SMAD4: variants seen among roughly 807,000 people sequenced by gnomAD.
The protein encoded by SMAD4 is MAD homolog 4.
A neutral mutation model predicts 63.2 loss-of-function variants in SMAD4; 7 were observed. The ratio of observed to expected loss-of-function variants is 0.11; its 90% CI spans 0.06 to 0.21. The LOEUF (loss-of-function observed/expected upper bound fraction) is 0.21. Ranked by LOEUF, SMAD4 falls within the 10% of genes least tolerant of loss-of-function variation. The pLI, the probability that SMAD4 is intolerant of heterozygous loss-of-function variation, is 1.00. For synonymous variants in SMAD4, 215 were observed against 235.4 expected (o/e 0.91, Z 0.79); for missense variants, 312 against 693.8 (o/e 0.45, Z 6.18).
At chr18:51,061,314 CT>C (rs985942556) in intron 8 of SMAD4, among the ~76,000 whole-genome samples, 2 of 152,172 alleles carry the variant, frequency 1.3e-5, no homozygotes, top group African/African-American at 4.8e-5. Context: ...ATTCTAACTA[CT>C]TTTTGTACTA....
In SMAD4 at chr18:51,078,244, CT is replaced by C. The variant is rs2144477864; in HGVS notation, c.1448-8del. ...CCTGTCCCTCTGATGTCTTCCAAAT[CT>C]TTTCTGTTAGGTCTGTCAGCTGCTG... On this transcript the variant is annotated splice_polypyrimidine_tract_variant and intron_variant, in intron 11 of 11. Transcript: ENST00000342988. 1 of 1,612,344 alleles carries C rather than the reference CT, an allele frequency of 6.2e-7. No individual in the cohort carries two copies. Among genetic ancestry groups the C allele is most frequent in the South Asian group, 1.1e-5 (1 of 91,056 alleles).
chr18:51,075,616 T>TC (rs571335410), intron 10 of SMAD4, among the ~76,000 whole-genome samples: 3 of 152,104 alleles, frequency 2.0e-5, no homozygotes, highest in Non-Finnish European at 4.4e-5. Flanking sequence ...GATTTTTTTT[T>TC]CCCCAGAAAA....
rs1599189454 is a variant in SMAD4, at chr18:51,058,146, G to C, written c.689G>C (p.Gly230Ala). The part of the protein sequence containing the change: ...ASTSQPASIL[G>A]GSHSEGLLQI... ...CTAGGTCAGCCTGCCAGTATACTGG[G>C]GGGCAGCCATAGTGAAGGACTGTTG... Residue 230 changes from glycine to alanine, a missense_variant, in exon 6 of 12, where the codon GGG (glycine) becomes GCG (alanine). Gly to Ala is a moderately conservative substitution (Grantham distance 60). Around this residue, in one of 4 missense-constraint regions of SMAD4, gnomAD observed 169 missense variants for 211.0 expected, o/e 0.80. Transcript: ENST00000342988. 2 of 1,614,036 alleles carry C rather than the reference G, an allele frequency of 1.2e-6. No homozygotes were observed. Among genetic ancestry groups the C allele is most frequent in the Non-Finnish European group, 8.5e-7 (1 of 1,179,928 alleles).
chr18:51,075,170 A>G (rs1210578273), intron 10 of SMAD4, among the ~76,000 whole-genome samples: 3 of 152,234 alleles, frequency 2.0e-5, no homozygotes, highest in Non-Finnish European at 4.4e-5. Flanking sequence ...GACACTGAGT[A>G]GAGAAATAGG....
chr18:51,058,483 C>CTTT (rs763163102), intron 7 of SMAD4, 27 bp downstream of exon 7: 11 of 1,258,408 alleles, frequency 8.7e-6, no homozygotes, highest in East Asian at 5.2e-5. Context: ...GTTGTAAGGG[C>CTTT]TATTTTTTTT....
intron 6 of SMAD4, 29 bp downstream of exon 6, chr18:51,058,273 A>G (rs1400662387): frequency 1.2e-6 from 2 of 1,610,990 alleles, no homozygotes; most frequent in Non-Finnish European, 1.7e-6. Flanking sequence ...AAATCTTTTA[A>G]ATAGTTGAGA....
intron 1 of SMAD4, among the ~76,000 whole-genome samples, chr18:51,042,432 C>T (rs572337269): frequency 1.7e-4 from 26 of 151,764 alleles, no homozygotes; most frequent in Non-Finnish European, 3.1e-4. Flanking sequence ...AGTGCAGTGG[C>T]GTGATCTTGG....
rs766144339 is a variant in SMAD4 at position 51,049,336 on chromosome 18, G to C, written c.454+12G>C. 1 of 1,588,802 alleles carries C rather than the reference G, an allele frequency of 6.3e-7. No homozygotes were observed. Among genetic ancestry groups the C allele is most frequent in the Middle Eastern group, 1.7e-4 (1 of 5,928 alleles). ...ACTGCAGAGTAATGGTAGGTAATCT[G>C]TTTCTTACTACTTTCTCTTTGTTTT... On this transcript the variant is annotated intron_variant, in intron 4 of 11. Coordinates refer to ENST00000342988, the MANE Select transcript of SMAD4 (RefSeq NM_005359.6).
chr18:51,061,602 A>C (rs1910016740), intron 8 of SMAD4, among the ~76,000 whole-genome samples: 1 of 152,112 alleles, frequency 6.6e-6, no homozygotes, highest in South Asian at 2.1e-4. Flanking sequence ...AGCATACCGG[A>C]ATAATACAGG....
intron 1 of SMAD4, among the ~76,000 whole-genome samples, chr18:51,043,456 A>G (rs1228601188): frequency 2.0e-5 from 3 of 152,246 alleles, no homozygotes; most frequent in Non-Finnish European, 2.9e-5. Context: ...ATTAGAATAT[A>G]TAATTTTATT....
Position 51,083,683 on chromosome 18 carries a change from G to A in SMAD4, c.*5216G>A, listed in dbSNP as rs1910666602. ...CCACAAATTTGATGTGTGACCTTTG[G>A]GCAAGTCATTTATCTTCTCTGGGCC... On this transcript the variant is annotated 3_prime_UTR_variant, in exon 12 of 12. Coordinates refer to ENST00000342988, the MANE Select transcript of SMAD4 (RefSeq NM_005359.6). 4.4e-6 allele frequency: 1 copy of A among 227,856 alleles called. No homozygotes were observed. The highest frequency in any genetic ancestry group is 8.7e-6 in the Non-Finnish European group (1 of 114,826). The allele number at this position is 227,856 out of a possible 1,614,324, so 14.1% of individuals were successfully genotyped here.
chr18:51,040,668 A>G (rs1599176447), intron 1 of SMAD4, among the ~76,000 whole-genome samples: 1 of 152,330 alleles, frequency 6.6e-6, no homozygotes, highest in East Asian at 1.9e-4. Context: ...TATCTTAATT[A>G]GTTTGGTTAT....
At chr18:51,061,997 A>G (rs1416534846) in intron 8 of SMAD4, among the ~76,000 whole-genome samples, 1 of 152,210 alleles carries the variant, frequency 6.6e-6, no homozygotes, top group Non-Finnish European at 1.5e-5. Flanking sequence ...AAAAGGCCAT[A>G]TTACAGTGAC....
chr18:51,034,668 G>A (rs1909153672), intron 1 of SMAD4, among the ~76,000 whole-genome samples: 1 of 152,060 alleles, frequency 6.6e-6, no homozygotes. Flanking sequence ...CAGCTGCTGC[G>A]GTAGCTGGGA....
At chr18:51,037,546 C>A (rs185010040) in intron 1 of SMAD4, among the ~76,000 whole-genome samples, 49 of 152,286 alleles carry the variant, frequency 3.2e-4, no homozygotes, top group African/African-American at 1.0e-3. Context: ...ACTTAATAAT[C>A]CCCTTGCTGC....
At chr18:51,063,077 C>T (rs925513996) in intron 8 of SMAD4, among the ~76,000 whole-genome samples, 10 of 151,858 alleles carry the variant, frequency 6.6e-5, no homozygotes, top group African/African-American at 2.4e-4. Context: ...TGGTCTCGAA[C>T]TCCTGACCTC....
chr18:51,083,136 C>T lies in SMAD4; in HGVS notation c.*4669C>T, dbSNP rs769227954. 8.9e-6 allele frequency: 2 copies of T among 225,892 alleles called. No homozygotes were observed. The highest frequency in any genetic ancestry group is 1.8e-5 in the Non-Finnish European group (2 of 113,538). 14.0% of individuals were successfully genotyped at this position (225,892 alleles called of 1,614,324 possible). ...TGCTTCCACTTGAATGCTGCTCTTA[C>T]AAAAACTGGGGTTACAAGGGTTACT... On this transcript the variant is annotated 3_prime_UTR_variant, in exon 12 of 12. Transcript: ENST00000342988.
chr18:51,060,329 A>G (rs1446318626), intron 8 of SMAD4, among the ~76,000 whole-genome samples: 1 of 152,242 alleles, frequency 6.6e-6, no homozygotes, highest in African/African-American at 2.4e-5. Flanking sequence ...TGGAATTTAG[A>G]AACTATTTGA....
In SMAD4 at chr18:51,078,634, A is replaced by G; in HGVS notation, c.*167A>G. 1.7e-6 allele frequency: 1 copy of G among 603,118 alleles called. No individual in the cohort carries two copies. The highest frequency in any genetic ancestry group is 2.9e-6 in the Non-Finnish European group (1 of 347,990). The allele number at this position is 603,118 out of a possible 1,614,324, so 37.4% of individuals were successfully genotyped here. A position where few individuals can be genotyped will look rare whatever the true frequency, so the allele number is the denominator to read the frequency against. On this transcript the variant is annotated 3_prime_UTR_variant, in exon 12 of 12. Transcript: ENST00000342988. ...CCTAGCAGACAGAAACTGGATTAAA[A>G]CAATTTTTTTTTTCCTCTTCAGAAC...
Sources: allele counts gnomAD v4.1 joint callset (sites outside exome capture counted in the v4.1 genomes callset), GRCh38; gene constraint gnomAD v4.1.1; regional missense constraint gnomAD v4.1.1; transcripts MANE v1.5; gene names NCBI Gene and HGNC (gene_info 2026-07-23, HGNC 2026-07-21).